The following ZNF853 variants were observed in gnomAD, a reference collection of about 807,000 sequenced individuals.
The protein encoded by ZNF853 is zinc finger protein 853.
Under a neutral mutation model 94.7 loss-of-function variants are expected in ZNF853, and 57 were observed. The ratio of observed to expected loss-of-function variants is 0.60; its 90% CI spans 0.49 to 0.75. ZNF853 has a LOEUF of 0.75. ZNF853 is among the 30% of genes least tolerant of loss of function. ZNF853 has a pLI of 0.00. For missense variants in ZNF853, 785 were observed against 868.9 expected (o/e 0.90, Z 1.21); for synonymous variants, 448 against 406.3 (o/e 1.10, Z -1.23).
chr7:6,617,738 G>A lies in ZNF853; in HGVS notation c.130+431G>A. The A allele has an allele frequency of 1.6e-5, 12 of 735,330 alleles. No individual in the cohort carries two copies. In the South Asian group the frequency reaches 3.1e-4, roughly 19 times the overall value. 45.6% of individuals were successfully genotyped at this position (735,330 alleles called of 1,614,324 possible). ...CTGGCTTCTTCTCCCCTGTGGCCTCGTAACCTTTTCCACTTTAGCTTGACC... is the reference window on the plus strand; with the variant it reads ...CTGGCTTCTTCTCCCCTGTGGCCTCATAACCTTTTCCACTTTAGCTTGACC... On this transcript the variant is annotated intron_variant, in intron 2 of 2. Transcript: ENST00000457543.
rs1361766474 is a variant in ZNF853, at chr7:6,623,240, G to A, written c.*269G>A. The A allele has an allele frequency of 2.5e-6, 1 of 401,654 alleles. No homozygotes were observed. The highest frequency in any genetic ancestry group is 4.4e-5 in the Admixed American group (1 of 22,716). 24.9% of individuals were successfully genotyped at this position (401,654 alleles called of 1,614,324 possible). Reference sequence around the variant, plus strand: ...GACACGTTTGTCTGCCCTTTGAGGGGTCTGCCAAAGGTTTTCCCTCCGGGA... The same window carrying A: ...GACACGTTTGTCTGCCCTTTGAGGGATCTGCCAAAGGTTTTCCCTCCGGGA... On this transcript the variant is annotated 3_prime_UTR_variant, in exon 3 of 3. Transcript: ENST00000457543.
chr7:6,616,292 C>A, intron 1 of ZNF853, 106 bp downstream of exon 1: 1 of 1,183,358 alleles, frequency 8.5e-7, no homozygotes, highest in South Asian at 1.5e-5. Flanking sequence ...GGGGCCAGCT[C>A]TGCACGGGCC....
At chr7:6,617,118 GGGGCCTGT>G in intron 1 of ZNF853, 64 bp from the exon 2 acceptor site, 1 of 1,246,684 alleles carries the variant, frequency 8.0e-7, no homozygotes, top group Non-Finnish European at 1.1e-6. Flanking sequence ...AGGGCCTTTG[GGGGCCTGT>G]GGGCACCTGG....
chr7:6,620,244 T>C, intron 2 of ZNF853, among the ~76,000 whole-genome samples: 1 of 152,244 alleles, frequency 6.6e-6, no homozygotes, highest in Admixed American at 6.5e-5. Context: ...AAACTACTTG[T>C]GGTAACACCT....
At chr7:6,617,382 G>A in intron 2 of ZNF853, 75 bp downstream of exon 2, 1 of 1,221,148 alleles carries the variant, frequency 8.2e-7, no homozygotes. Context: ...AAGGGTGGCG[G>A]GCAGCCTGCA....
Position 6,621,197 on chromosome 7 carries a change from T to C in ZNF853, c.206T>C (p.Val69Ala), listed in dbSNP as rs911389171. 1.3e-6 allele frequency: 2 copies of C among 1,521,536 alleles called. No individual in the cohort carries two copies. Among genetic ancestry groups the C allele is most frequent in the South Asian group, 2.6e-5 (2 of 78,272 alleles). 94.3% of individuals were successfully genotyped at this position (1,521,536 alleles called of 1,614,324 possible). ...AACAGCAGTCCACAGCGGCCAGCAGTCTCGGCCCCAGTGGGGGCCAGTGAA... is the reference window on the plus strand; with the variant it reads ...AACAGCAGTCCACAGCGGCCAGCAGCCTCGGCCCCAGTGGGGGCCAGTGAA... Reference protein sequence around the residue: ...ERNSSPQRPAVSAPVGASEIA... With the variant: ...ERNSSPQRPAASAPVGASEIA... The change falls in exon 3 of 3, where the codon GTC becomes GCC. Residue 69 changes from valine (V) to alanine (A), a missense_variant. By Grantham distance (64) the Val-to-Ala change is moderately conservative. Transcript: ENST00000457543.
Position 6,623,743 on chromosome 7 carries a change from A to G in ZNF853, c.*772A>G, listed in dbSNP as rs911061639. ...CCAGCCCGCATTAATGTCCTCTGGAATAAGAGCCTGTGGCTGAAGCAGAGG... is the reference window on the plus strand; with the variant it reads ...CCAGCCCGCATTAATGTCCTCTGGAGTAAGAGCCTGTGGCTGAAGCAGAGG... On this transcript the variant is annotated 3_prime_UTR_variant, in exon 3 of 3. Transcript: ENST00000457543. The G allele has an allele frequency of 1.2e-5, 2 of 162,714 alleles. No homozygotes were observed. Among genetic ancestry groups the G allele is most frequent in the African/African-American group, 4.8e-5 (2 of 41,962 alleles). 10.1% of individuals were successfully genotyped at this position (162,714 alleles called of 1,614,324 possible).
At chr7:6,620,540 C>T in intron 2 of ZNF853, among the ~76,000 whole-genome samples, 1 of 151,454 alleles carries the variant, frequency 6.6e-6, no homozygotes, top group African/African-American at 2.4e-5. Context: ...AGGGAGGTCA[C>T]CAGCAGTCCC....
At position 6,622,816 on chromosome 7, in the gene ZNF853, A is replaced by G. The variant is rs1319840378; in HGVS notation, c.1825A>G (p.Lys609Glu). 13 of 1,531,704 alleles carry G rather than the reference A, an allele frequency of 8.5e-6. No homozygotes were observed. Among genetic ancestry groups the G allele is most frequent in the Non-Finnish European group, 8.7e-6 (10 of 1,143,518 alleles). 94.9% of individuals were successfully genotyped at this position (1,531,704 alleles called of 1,614,324 possible). A position where few individuals can be genotyped will look rare whatever the true frequency, so the allele number is the denominator to read the frequency against. The change falls in exon 3 of 3, where the codon AAG becomes GAG. Residue 609 changes from lysine (K) to glutamate (E), a missense_variant. Coordinates refer to ENST00000457543, the MANE Select transcript of ZNF853 (RefSeq NM_017560.3). The part of the protein sequence containing the change: ...CEDCGERFRH[K>E]VQIRRHERQL... Reference sequence around the variant, plus strand: ...GGACTGTGGCGAGCGCTTCCGACACAAGGTGCAGATCCGCCGCCACGAGCG... The same window carrying G: ...GGACTGTGGCGAGCGCTTCCGACACGAGGTGCAGATCCGCCGCCACGAGCG...
Position 6,616,181 on chromosome 7 carries a change from C to T in ZNF853, c.7C>T (p.His3Tyr), listed in dbSNP as rs1782502367. ML[H>Y]QPTPGNRGLT... ...GGCTGCCCGGGAGCAGGAAATGCTC[C>T]ACCAGGTGAGGCCCAGGGGGTCGTT... The change falls in exon 1 of 3, where the codon CAC becomes TAC. Residue 3 changes from histidine (H) to tyrosine (Y), a missense_variant. Coordinates refer to ENST00000457543, the MANE Select transcript of ZNF853 (RefSeq NM_017560.3). 5 of 1,548,250 alleles carry T rather than the reference C, an allele frequency of 3.2e-6. No individual in the cohort carries two copies. The highest frequency in any genetic ancestry group is 2.5e-5 in the East Asian group (1 of 40,730).
intron 1 of ZNF853, among the ~76,000 whole-genome samples, 158 bp from the exon 2 acceptor site, chr7:6,617,031 TC>T: frequency 6.0e-4 from 92 of 152,228 alleles, no homozygotes; most frequent in African/African-American, 2.2e-3. Flanking sequence ...CACTCCCCGT[TC>T]CCCGTTGCGG....
intron 2 of ZNF853, among the ~76,000 whole-genome samples, chr7:6,618,682 C>T: frequency 6.6e-6 from 1 of 152,160 alleles, no homozygotes; most frequent in Non-Finnish European, 1.5e-5. Context: ...TACACTCCAG[C>T]CTGGGTGACA....
In ZNF853 at chr7:6,624,044, C is replaced by T. The variant is rs1782699724; in HGVS notation, c.*1073C>T. 6.6e-6 allele frequency: 1 copy of T among 152,262 alleles called. No homozygotes were observed. Among genetic ancestry groups the T allele is most frequent in the Admixed American group, 6.5e-5 (1 of 15,280 alleles). 9.4% of individuals were successfully genotyped at this position (152,262 alleles called of 1,614,324 possible). On this transcript the variant is annotated 3_prime_UTR_variant, in exon 3 of 3. Transcript: ENST00000457543. Reference sequence around the variant, plus strand: ...CTCTTTACCACGTTCACCAAGTCGTCTGGGGCAGGGGTTGTGAGCTGCAGC... The same window carrying T: ...CTCTTTACCACGTTCACCAAGTCGTTTGGGGCAGGGGTTGTGAGCTGCAGC...
chr7:6,618,681 GC>G, intron 2 of ZNF853, among the ~76,000 whole-genome samples: 1 of 152,178 alleles, frequency 6.6e-6, no homozygotes, highest in Non-Finnish European at 1.5e-5. Flanking sequence ...CTACACTCCA[GC>G]CTGGGTGACA....
Position 6,621,886 on chromosome 7 carries a change from C to A in ZNF853, c.895C>A (p.Gln299Lys). 1.9e-6 allele frequency: 3 copies of A among 1,550,894 alleles called. No individual in the cohort carries two copies. Among genetic ancestry groups the A allele is most frequent in the Non-Finnish European group, 1.7e-6 (2 of 1,146,668 alleles). Residue 299 changes from glutamine to lysine, a missense_variant, in exon 3 of 3, where the codon CAG becomes AAG. By Grantham distance (53) the Gln-to-Lys change is moderately conservative. Coordinates refer to ENST00000457543, the MANE Select transcript of ZNF853 (RefSeq NM_017560.3). Reference sequence around the variant, plus strand: ...GCAACAGCAGCTGTTGCAACAGCAGCAGGAACAATTGCAGCAGCAACAACT... The same window carrying A: ...GCAACAGCAGCTGTTGCAACAGCAGAAGGAACAATTGCAGCAGCAACAACT... ...QQQQQLLQQQ[Q>K]EQLQQQQLQP... is the part of the protein sequence containing the mutation.
intron 2 of ZNF853, among the ~76,000 whole-genome samples, chr7:6,620,301 T>C: frequency 6.6e-6 from 1 of 152,156 alleles, no homozygotes; most frequent in Non-Finnish European, 1.5e-5. Context: ...AGAAGGATAA[T>C]TTCATTTATT....
In ZNF853 at chr7:6,621,733, G is replaced by A. The variant is rs1432442505; in HGVS notation, c.742G>A (p.Gly248Arg). The A allele has an allele frequency of 1.9e-6, 3 of 1,550,458 alleles. No individual in the cohort carries two copies. The highest frequency in any genetic ancestry group is 3.9e-5 in the Admixed American group (2 of 50,972). ...QQQLLLLQQQGQLQQQLLQQQ... is the reference protein window; with the variant it reads ...QQQLLLLQQQRQLQQQLLQQQ... ...GCAGCTACTATTGCTGCAGCAGCAG[G>A]GACAGTTACAGCAGCAACTGTTGCA... The change falls in exon 3 of 3, where the codon GGA (glycine) becomes AGA (arginine). Residue 248 changes from glycine (G) to arginine (R), a missense_variant. By Grantham distance (125) the Gly-to-Arg change is moderately radical. Transcript: ENST00000457543.
chr7:6,616,622 C>T, intron 1 of ZNF853, among the ~76,000 whole-genome samples: 1 of 152,000 alleles, frequency 6.6e-6, no homozygotes, highest in Non-Finnish European at 1.5e-5. Flanking sequence ...GTAGCCCCAG[C>T]TACTCAGGAG....
rs891008555 is a variant in ZNF853, at chr7:6,624,096, G to A, written c.*1125G>A. On this transcript the variant is annotated 3_prime_UTR_variant, in exon 3 of 3. Transcript: ENST00000457543. ...GTTGCTGGTGCCTTGTGGGAAGGTG[G>A]GGCAGGGAGGAGGCTGCCCGCCACC... 8 of 152,296 alleles carry A rather than the reference G, an allele frequency of 5.3e-5. No homozygotes were observed. The highest frequency in any genetic ancestry group is 1.7e-4 in the African/African-American group (7 of 41,554). 9.4% of individuals were successfully genotyped at this position (152,296 alleles called of 1,614,324 possible). A position where few individuals can be genotyped will look rare whatever the true frequency, so the allele number is the denominator to read the frequency against.
Sources: gnomAD v4.1 joint callset for allele counts (sites outside exome capture counted in the v4.1 genomes callset) on GRCh38, gnomAD v4.1.1 for gene constraint, MANE v1.5 for transcripts, NCBI Gene and HGNC (gene_info 2026-07-23, HGNC 2026-07-21) for gene names.